The following ABL2 variants were observed in gnomAD, a reference collection of about 807,000 sequenced individuals.
The protein encoded by ABL2 is tyrosine-protein kinase ABL2.
In ABL2, 49 loss-of-function variants were observed where a neutral mutation model predicts 107.7. That is an observed-to-expected ratio of 0.45 (90% CI 0.36 to 0.58). ABL2 has a LOEUF of 0.58. Among genes scored for constraint, ABL2 ranks in the 20% least tolerant of loss-of-function variants. ABL2 has a pLI of 0.00. For missense variants in ABL2, 1,245 were observed against 1,457.0 expected (o/e 0.85, Z 2.37); for synonymous variants, 549 against 548.6 (o/e 1.00, Z -0.01).
chr1:179,100,977 C>G lies in ABL2; in HGVS notation c.*6741G>C. 1 of 232,778 alleles carries G rather than the reference C, an allele frequency of 4.3e-6. No homozygotes were observed. Among genetic ancestry groups the G allele is most frequent in the Non-Finnish European group, 8.5e-6 (1 of 117,718 alleles). 14.4% of individuals were successfully genotyped at this position (232,778 alleles called of 1,614,324 possible). On this transcript the variant is annotated 3_prime_UTR_variant, in exon 12 of 12. Transcript: ENST00000502732. ...AGTGCACTTGGAGGGAAGGGTCCGG[C>G]GAGACCTCGCCAGGTGGGCTTGAGA...
intron 1 of ABL2, among the ~76,000 whole-genome samples, chr1:179,204,963 C>A (rs1051259226): frequency 4.6e-5 from 7 of 151,638 alleles, no homozygotes; most frequent in African/African-American, 1.7e-4. Context: ...CAGAGTGCTG[C>A]ATGTAACATA....
At chr1:179,195,423 T>C (rs2816204) in intron 1 of ABL2, among the ~76,000 whole-genome samples, 53,365 of 152,086 alleles carry the variant, frequency 0.35, 9,723 homozygotes, top group East Asian at 0.48. Context: ...TTGTGCATTA[T>C]TGGTGGGAAT....
At chr1:179,136,806 C>A (rs1387159935) in intron 1 of ABL2, among the ~76,000 whole-genome samples, 1 of 151,280 alleles carries the variant, frequency 6.6e-6, no homozygotes, top group Admixed American at 6.6e-5. Context: ...ATCCCAGCTA[C>A]TTCGGAGGCT....
Position 179,099,891 on chromosome 1 carries a change from ATCAACAGCTAAG to A in ABL2, c.*7815_*7826del. 4.3e-6 allele frequency: 1 copy of A among 232,744 alleles called. No homozygotes were observed. Among genetic ancestry groups the A allele is most frequent in the Non-Finnish European group, 8.5e-6 (1 of 117,738 alleles). The allele number at this position is 232,744 out of a possible 1,614,324, so 14.4% of individuals were successfully genotyped here. On this transcript the variant is annotated 3_prime_UTR_variant, in exon 12 of 12. Coordinates refer to ENST00000502732, the MANE Select transcript of ABL2 (RefSeq NM_007314.4). ...GAGGAGATGGAGGTTCTGAGTATAC[ATCAACAGCTAAG>A]TCAGCCTGTTCACAGTCAACACACC...
At chr1:179,115,184 G>C (rs1203754908) in intron 8 of ABL2, among the ~76,000 whole-genome samples, 154 bp from the exon 9 acceptor site, 7 of 152,172 alleles carry the variant, frequency 4.6e-5, no homozygotes, top group Non-Finnish European at 1.0e-4. Flanking sequence ...CTTACAGCAT[G>C]ATTTGTCCTT....
chr1:179,214,734 T>C (rs1662469075), intron 1 of ABL2, among the ~76,000 whole-genome samples: 1 of 151,956 alleles, frequency 6.6e-6, no homozygotes, highest in Non-Finnish European at 1.5e-5. Context: ...AATATTCTTA[T>C]AAACAAGTAT....
At chr1:179,110,626 A>G (rs1008211724) in intron 10 of ABL2, 171 bp from the exon 11 acceptor site, 69 of 1,520,440 alleles carry the variant, frequency 4.5e-5, no homozygotes, top group Non-Finnish European at 5.9e-5. Flanking sequence ...GCCCAGTATC[A>G]TGTGTGTAGA....
chr1:179,150,084 T>C (rs1336140519), intron 1 of ABL2, among the ~76,000 whole-genome samples: 2 of 152,208 alleles, frequency 1.3e-5, no homozygotes, highest in South Asian at 4.1e-4. Flanking sequence ...AAATTTTTTT[T>C]TTCTAATTAT....
At chr1:179,149,449 G>A (rs540959511) in intron 1 of ABL2, among the ~76,000 whole-genome samples, 33 of 152,330 alleles carry the variant, frequency 2.2e-4, no homozygotes, top group South Asian at 1.0e-3. Context: ...TAAGATCACC[G>A]ATGAATGTGG....
chr1:179,160,659 AT>A (rs113897904), intron 1 of ABL2, among the ~76,000 whole-genome samples: 14,326 of 152,176 alleles, frequency 0.094, 703 homozygotes, highest in African/African-American at 0.12. Flanking sequence ...TCTTTTAAAA[AT>A]ATCTTAGTTA....
At chr1:179,133,786 T>C (rs954391010) in intron 1 of ABL2, among the ~76,000 whole-genome samples, 1 of 152,202 alleles carries the variant, frequency 6.6e-6, no homozygotes, top group South Asian at 2.1e-4. Context: ...TACATAACCA[T>C]GATACAATTT....
chr1:179,153,773 C>A lies in ABL2; in HGVS notation c.158-20399G>T, dbSNP rs571111846. On this transcript the variant is annotated intron_variant, in intron 1 of 11. Coordinates refer to ENST00000502732, the MANE Select transcript of ABL2 (RefSeq NM_007314.4). ...TTTGAGGGGGTACTTTTCAACCTAC[C>A]ATAGCTCCCAAATGTCACCAGCCCA... Among the ~76,000 whole-genome samples the A allele has an allele frequency of 1.3e-3, 197 of 152,266 alleles. 2 individuals carry two copies. Among genetic ancestry groups the A allele is most frequent in the Non-Finnish European group, 1.6e-3 (111 of 68,008 alleles).
At chr1:179,181,044 A>G (rs1036026517) in intron 1 of ABL2, among the ~76,000 whole-genome samples, 12 of 152,220 alleles carry the variant, frequency 7.9e-5, no homozygotes, top group African/African-American at 2.9e-4. Flanking sequence ...AAAAGAACAC[A>G]CATGGATTTG....
chr1:179,115,159 ACT>A (rs565834620), intron 8 of ABL2, 129 bp from the exon 9 acceptor site: 4 of 739,136 alleles, frequency 5.4e-6, no homozygotes, highest in African/African-American at 3.7e-5. Flanking sequence ...TATATAATAT[ACT>A]CTTTTATCAA....
chr1:179,121,756 T>G lies in ABL2; in HGVS notation c.799A>C (p.Asn267His). 6.2e-7 allele frequency: 1 copy of G among 1,614,120 alleles called. No individual in the cohort carries two copies. Among genetic ancestry groups the G allele is most frequent in the South Asian group, 1.1e-5 (1 of 91,086 alleles). Residue 267 changes from asparagine to histidine, a missense_variant, in exon 5 of 12, where the codon AAT becomes CAT. Asn to His is a moderately conservative substitution (Grantham distance 68, BLOSUM62 1). This residue lies in a region of ABL2 where 320 missense variants were observed against 547.0 expected (regional missense o/e 0.59). Transcript: ENST00000502732. ...TTLHYPAPKC[N>H]KPTVYGVSPI... is the part of the protein sequence containing the mutation. ...GACACACCATAGACTGTAGGCTTAT[T>G]ACACTTGGGTGCTGGGTAGTGTAAT... is the stretch of plus-strand genomic sequence containing the variant.
At chr1:179,116,010 G>A (rs1654582128) in intron 8 of ABL2, among the ~76,000 whole-genome samples, 1 of 151,522 alleles carries the variant, frequency 6.6e-6, no homozygotes, top group Non-Finnish European at 1.5e-5. Flanking sequence ...AATTCTAGAG[G>A]AAACCTCATC....
chr1:179,229,248 G>C lies in ABL2; in HGVS notation c.150C>G (p.Thr50=). ...GCTCCCAGACACACTCACCATGCTG[G>C]GTGAAGATATTGAAGCCGGTCTCTG... ...RTTETGFNIF[T]QHDHFASCVE... is the part of the protein sequence containing the mutation. Residue 50 remains threonine (T), a synonymous_variant, in exon 1 of 12, where the codon ACC becomes ACG. Coordinates refer to ENST00000502732, the MANE Select transcript of ABL2 (RefSeq NM_007314.4). 1 of 1,538,318 alleles carries C rather than the reference G, an allele frequency of 6.5e-7. No individual in the cohort carries two copies. The highest frequency in any genetic ancestry group is 8.7e-7 in the Non-Finnish European group (1 of 1,143,372).
At chr1:179,110,055 T>C (rs3818433) in intron 11 of ABL2, among the ~76,000 whole-genome samples, 118,933 of 152,200 alleles carry the variant, frequency 0.78, 47,464 homozygotes, top group African/African-American at 0.95. Context: ...AAGTTTTTGA[T>C]GGAACTGTAA....
chr1:179,199,123 G>A (rs1222735137), intron 1 of ABL2, among the ~76,000 whole-genome samples: 2 of 152,034 alleles, frequency 1.3e-5, no homozygotes, highest in Non-Finnish European at 1.5e-5. Flanking sequence ...GATTACACGC[G>A]TGAGCCACCA....
Sources: allele counts gnomAD v4.1 joint callset (sites outside exome capture counted in the v4.1 genomes callset), GRCh38; gene constraint gnomAD v4.1.1; regional missense constraint gnomAD v4.1.1; transcripts MANE v1.5; gene names NCBI Gene and HGNC (gene_info 2026-07-23, HGNC 2026-07-21).